Variants in PLXNA4 observed in about 807,000 individuals in gnomAD.
The protein encoded by PLXNA4 is plexin A4, also known as plexin-A4.
A neutral mutation model predicts 191.8 loss-of-function variants in PLXNA4; 44 were observed. The ratio of observed to expected loss-of-function variants is 0.23; its 90% CI spans 0.18 to 0.29. The LOEUF is 0.29. Among genes scored for constraint, PLXNA4 ranks in the 10% least tolerant of loss-of-function variants. The pLI, the probability that PLXNA4 is intolerant of heterozygous loss-of-function variation, is 1.00. For synonymous variants in PLXNA4, 1,082 were observed against 1,009.5 expected (o/e 1.07, Z -1.36); for missense variants, 1,800 against 2,488.8 (o/e 0.72, Z 5.89).
intron 26 of PLXNA4, 29 bp downstream of exon 26, chr7:132,148,514 A>C: frequency 1.2e-6 from 2 of 1,613,332 alleles, no homozygotes; most frequent in Non-Finnish European, 1.7e-6. Context: ...GTAGTTGGCT[A>C]GCTCCTCCCC....
At chr7:132,353,006 T>G (rs1803554118) in intron 3 of PLXNA4, among the ~76,000 whole-genome samples, 1 of 152,188 alleles carries the variant, frequency 6.6e-6, no homozygotes, top group Admixed American at 6.5e-5. Flanking sequence ...CCCAAATTCC[T>G]TAACATTTTC....
Position 132,127,351 on chromosome 7 carries a change from A to C in PLXNA4, c.*3128T>G, listed in dbSNP as rs938119802. 2.6e-5 allele frequency: 4 copies of C among 152,110 alleles called. 1 individual carries two copies. Among genetic ancestry groups the C allele is most frequent in the Admixed American group, 1.3e-4 (2 of 15,272 alleles). 9.4% of individuals were successfully genotyped at this position (152,110 alleles called of 1,614,324 possible). On this transcript the variant is annotated 3_prime_UTR_variant, in exon 32 of 32. Coordinates refer to ENST00000321063, the MANE Select transcript of PLXNA4 (RefSeq NM_020911.2). ...CGAGGGAGGCCGTGAAGGGGCCTCC[A>C]TCCCACAGGACAAAGTTGGCCCAAT...
chr7:132,307,369 C>G (rs1054423244), intron 3 of PLXNA4, among the ~76,000 whole-genome samples: 4 of 152,214 alleles, frequency 2.6e-5, no homozygotes, highest in African/African-American at 9.6e-5. Context: ...TGTTTACACC[C>G]TTGCTAGATC....
intron 9 of PLXNA4, among the ~76,000 whole-genome samples, chr7:132,220,388 C>T (rs1002732871): frequency 6.6e-6 from 1 of 152,166 alleles, no homozygotes; most frequent in Admixed American, 6.5e-5. Flanking sequence ...ACCAGAAGCT[C>T]CCCATTAGAG....
In PLXNA4 at chr7:132,385,113, T is replaced by C. The variant is rs957864369; in HGVS notation, c.1372-86891A>G. On this transcript the variant is annotated intron_variant, in intron 3 of 31. Coordinates refer to ENST00000321063, the MANE Select transcript of PLXNA4 (RefSeq NM_020911.2). The stretch of plus-strand genomic sequence containing the variant: ...CTGGGGTCACAGGGAGGTAGATGTG[T>C]CTCATCTGTTTCCATTTTCCAATAT... 1.9e-6 allele frequency: 3 copies of C among 1,582,518 alleles called. No homozygotes were observed. The African/African-American group carries it at 4.0e-5, about 21-fold the overall frequency.
At chr7:132,509,665 C>T (rs948506952) in intron 1 of PLXNA4, among the ~76,000 whole-genome samples, 9 of 152,144 alleles carry the variant, frequency 5.9e-5, no homozygotes, top group African/African-American at 1.7e-4. Flanking sequence ...GGGGCTGTAC[C>T]GTGGTCCCTG....
chr7:132,474,097 AG>A (rs199897855), intron 3 of PLXNA4, among the ~76,000 whole-genome samples: 1,741 of 152,222 alleles, frequency 0.011, 48 homozygotes, highest in African/African-American at 0.04. Flanking sequence ...AACACCTAGA[AG>A]GCGGCATTAG....
At chr7:132,515,639 G>A (rs1022757105) in intron 1 of PLXNA4, among the ~76,000 whole-genome samples, 3 of 152,176 alleles carry the variant, frequency 2.0e-5, no homozygotes, top group Admixed American at 6.5e-5. Context: ...GTGTGTGCAC[G>A]TGTATGTACC....
At chr7:132,191,403 G>C (rs1471518810) in intron 14 of PLXNA4, among the ~76,000 whole-genome samples, 1 of 152,174 alleles carries the variant, frequency 6.6e-6, no homozygotes, top group Non-Finnish European at 1.5e-5. Context: ...CACTCTTTAT[G>C]GGAGCTGACA....
chr7:132,588,713 GAAAAAAGGAAAAGA>G (rs1475472091), intron 2 of PLXNA4, among the ~76,000 whole-genome samples: 17 of 122,634 alleles, frequency 1.4e-4, no homozygotes, highest in African/African-American at 5.2e-4. Context: ...GGGAGAGGAA[GAAAAAAGGAAAAGA>G]AAAAAAGAAA....
At chr7:132,297,783 T>C (rs1297819352) in intron 4 of PLXNA4, among the ~76,000 whole-genome samples, 2 of 152,190 alleles carry the variant, frequency 1.3e-5, no homozygotes, top group African/African-American at 4.8e-5. Flanking sequence ...ACCCACAATT[T>C]GGGCATCTGT....
At chr7:132,520,400 C>A (rs1289519474) in intron 1 of PLXNA4, among the ~76,000 whole-genome samples, 1 of 152,204 alleles carries the variant, frequency 6.6e-6, no homozygotes, top group Non-Finnish European at 1.5e-5. Flanking sequence ...GCCTTTGCTT[C>A]TTCCGGCCTC....
chr7:132,486,058 A>G (rs1797547123), intron 3 of PLXNA4, among the ~76,000 whole-genome samples: 2 of 151,344 alleles, frequency 1.3e-5, no homozygotes, highest in African/African-American at 4.9e-5. Flanking sequence ...CTGCCCACCT[A>G]CCCCCATTTC....
At chr7:132,330,636 G>A (rs780667081) in intron 3 of PLXNA4, among the ~76,000 whole-genome samples, 1 of 152,216 alleles carries the variant, frequency 6.6e-6, no homozygotes, top group Admixed American at 6.5e-5. Context: ...TGTAGGAGGG[G>A]AGTGGCCCAA....
Position 132,385,212 on chromosome 7 carries a change from C to T in PLXNA4, c.1372-86990G>A, listed in dbSNP as rs766500721. The T allele has an allele frequency of 2.9e-5, 47 of 1,613,906 alleles. No individual in the cohort carries two copies. The highest frequency in any genetic ancestry group is 3.8e-5 in the Non-Finnish European group (45 of 1,179,974). On this transcript the variant is annotated intron_variant, in intron 3 of 31. Transcript: ENST00000321063. ...CTCAGTTTGATGAACAGCTGGAGAA[C>T]AGGAGTTCCAGAGTCACTGTTGCTC...
At chr7:132,338,291 C>T (rs1020122475) in intron 3 of PLXNA4, among the ~76,000 whole-genome samples, 4 of 152,216 alleles carry the variant, frequency 2.6e-5, no homozygotes, top group African/African-American at 7.2e-5. Context: ...TCAAATTCCT[C>T]TCGGCCTCTA....
At chr7:132,163,467 C>A (rs984041534) in intron 24 of PLXNA4, among the ~76,000 whole-genome samples, 3 of 152,204 alleles carry the variant, frequency 2.0e-5, no homozygotes, top group Non-Finnish European at 4.4e-5. Flanking sequence ...AGATTAGGAA[C>A]CTGCCCCAAT....
At chr7:132,206,654 C>T (rs1429918253) in intron 10 of PLXNA4, among the ~76,000 whole-genome samples, 3 of 152,100 alleles carry the variant, frequency 2.0e-5, no homozygotes, top group Non-Finnish European at 2.9e-5. Context: ...AGGGAAGTTT[C>T]CATTGTTCCT....
At chr7:132,486,647 A>G (rs1481442770) in intron 3 of PLXNA4, among the ~76,000 whole-genome samples, 1 of 152,238 alleles carries the variant, frequency 6.6e-6, no homozygotes, top group Non-Finnish European at 1.5e-5. Context: ...CTTACCTTTC[A>G]AATGTTTATG....
Sources: gnomAD v4.1 joint callset for allele counts (sites outside exome capture counted in the v4.1 genomes callset) on GRCh38, gnomAD v4.1.1 for gene constraint, MANE v1.5 for transcripts, NCBI Gene and HGNC (gene_info 2026-07-23, HGNC 2026-07-21) for gene names.